NPAS3: variants seen among roughly 807,000 people sequenced by gnomAD.
NPAS3 encodes neuronal PAS domain protein 3.
NPAS3 carries 14 observed loss-of-function variants against 73.1 expected under a neutral mutation model. That is an observed-to-expected ratio of 0.19 (90% CI 0.13 to 0.30). The LOEUF is 0.30. Among genes scored for constraint, NPAS3 ranks in the 10% least tolerant of loss-of-function variants. The pLI is 1.00. For synonymous variants in NPAS3, 620 were observed against 541.5 expected, an observed-to-expected ratio of 1.14 and a Z score of -2.01; for missense variants, 1,096 against 1,250.0, an observed-to-expected ratio of 0.88 and a Z score of 1.86.
chr14:33,436,804 G>A (rs1435368921), intron 4 of NPAS3, among the ~76,000 whole-genome samples: 4 of 152,118 alleles, frequency 2.6e-5, no homozygotes, highest in Admixed American at 2.6e-4. Context: ...ATGCATACAT[G>A]GAAACTGTTC....
chr14:33,002,496 G>A (rs2038845899), intron 1 of NPAS3, among the ~76,000 whole-genome samples: 1 of 152,178 alleles, frequency 6.6e-6, no homozygotes, highest in Non-Finnish European at 1.5e-5. Flanking sequence ...ACAAATACAT[G>A]TTAGAGATGG....
chr14:33,601,005 G>A lies in NPAS3; in HGVS notation c.558+40795G>A, dbSNP rs187941650. On this transcript the variant is annotated intron_variant, in intron 5 of 11. Coordinates refer to ENST00000356141, the Ensembl canonical transcript of NPAS3. Reference sequence around the variant, plus strand: ...TTCAAAAGGTTCTAACAGTGGAGCAGTGGGAGAACAGAAACATACGTGCTT... The same window carrying A: ...TTCAAAAGGTTCTAACAGTGGAGCAATGGGAGAACAGAAACATACGTGCTT... Among the ~76,000 whole-genome samples, 84 of 152,268 alleles carry A rather than the reference G, an allele frequency of 5.5e-4. 2 individuals are homozygous for A. The East Asian group carries it at 0.016, about 28-fold the overall frequency.
intron 2 of NPAS3, among the ~76,000 whole-genome samples, chr14:33,110,195 T>C (rs2042846432): frequency 6.6e-6 from 1 of 152,190 alleles, no homozygotes; most frequent in Admixed American, 6.5e-5. Flanking sequence ...ACTTGAGATA[T>C]TAAATATTCT....
chr14:33,347,976 G>A (rs866727822), intron 3 of NPAS3, among the ~76,000 whole-genome samples: 14 of 152,218 alleles, frequency 9.2e-5, no homozygotes, highest in Middle Eastern at 6.8e-3. Flanking sequence ...GCACTGGAAA[G>A]TGAGTCAGTA....
At chr14:33,280,350 T>G (rs1422294902) in intron 3 of NPAS3, among the ~76,000 whole-genome samples, 4 of 152,162 alleles carry the variant, frequency 2.6e-5, no homozygotes, top group Non-Finnish European at 4.4e-5. Flanking sequence ...ATTATATATT[T>G]AAGATTTAAG....
At chr14:33,114,925 C>A (rs1265884803) in intron 2 of NPAS3, among the ~76,000 whole-genome samples, 1 of 152,040 alleles carries the variant, frequency 6.6e-6, no homozygotes, top group African/African-American at 2.4e-5. Context: ...TGAAGAGCAG[C>A]CTGAGGATAT....
At chr14:32,961,291 A>G (rs1382940937) in intron 1 of NPAS3, among the ~76,000 whole-genome samples, 1 of 151,844 alleles carries the variant, frequency 6.6e-6, no homozygotes, top group Admixed American at 6.6e-5. Context: ...GCGTGCCTGT[A>G]GTCCCAGCTG....
At chr14:33,313,149 T>A (rs143426393) in intron 3 of NPAS3, among the ~76,000 whole-genome samples, 1 of 152,034 alleles carries the variant, frequency 6.6e-6, no homozygotes, top group African/African-American at 2.4e-5. Context: ...TCGGAATGCA[T>A]GGAGATCAGA....
chr14:33,404,082 G>A (rs1045165883), intron 4 of NPAS3, among the ~76,000 whole-genome samples: 2 of 152,124 alleles, frequency 1.3e-5, no homozygotes, highest in African/African-American at 4.8e-5. Context: ...GAGACCAAGG[G>A]AAATAGTAAA....
At chr14:33,617,659 G>A (rs913777898) in intron 5 of NPAS3, among the ~76,000 whole-genome samples, 1 of 152,174 alleles carries the variant, frequency 6.6e-6, no homozygotes, top group Non-Finnish European at 1.5e-5. Context: ...GTGACCCTGA[G>A]ATTTGCTCTG....
At chr14:33,744,134 C>G (rs1255264160) in intron 7 of NPAS3, among the ~76,000 whole-genome samples, 1 of 152,188 alleles carries the variant, frequency 6.6e-6, no homozygotes, top group Non-Finnish European at 1.5e-5. Context: ...GGCTAACTGG[C>G]ACCAAGAGGC....
chr14:33,673,999 T>TA (rs1413044891), intron 5 of NPAS3, among the ~76,000 whole-genome samples: 1 of 151,988 alleles, frequency 6.6e-6, no homozygotes, highest in African/African-American at 2.4e-5. Flanking sequence ...AGCTTTGAGG[T>TA]ATGTTGGTGG....
chr14:33,156,048 GC>G (rs2044635167), intron 2 of NPAS3, among the ~76,000 whole-genome samples: 1 of 152,146 alleles, frequency 6.6e-6, no homozygotes. Context: ...CAAGGGGGAG[GC>G]CTAGGTGATG....
At chr14:33,401,083 A>C (rs967101214) in intron 4 of NPAS3, among the ~76,000 whole-genome samples, 1 of 152,158 alleles carries the variant, frequency 6.6e-6, no homozygotes, top group Admixed American at 6.6e-5. Flanking sequence ...CATACTGAGG[A>C]CGTTTTCAAG....
At chr14:33,341,531 G>A (rs2044480448) in intron 3 of NPAS3, among the ~76,000 whole-genome samples, 1 of 152,130 alleles carries the variant, frequency 6.6e-6, no homozygotes. Context: ...CAGAGAGGGA[G>A]AGGGAGAGGG....
At chr14:33,652,280 G>A (rs1227539071) in intron 5 of NPAS3, among the ~76,000 whole-genome samples, 3 of 152,106 alleles carry the variant, frequency 2.0e-5, no homozygotes, top group African/African-American at 7.2e-5. Context: ...GCTTGCTGTT[G>A]CATTCTCCTC....
intron 2 of NPAS3, among the ~76,000 whole-genome samples, chr14:33,181,196 G>A (rs1035130647): frequency 3.3e-5 from 5 of 152,160 alleles, no homozygotes; most frequent in Non-Finnish European, 5.9e-5. Context: ...TGACAAGGCC[G>A]TTAGTATGAA....
chr14:33,038,079 T>C (rs974127664), intron 1 of NPAS3, among the ~76,000 whole-genome samples: 10 of 152,314 alleles, frequency 6.6e-5, no homozygotes, highest in Non-Finnish European at 1.3e-4. Context: ...TGAACATTTT[T>C]CCCTATCTGA....
chr14:33,772,650 TG>T (rs2062691501), intron 7 of NPAS3, among the ~76,000 whole-genome samples: 1 of 152,224 alleles, frequency 6.6e-6, no homozygotes, highest in Admixed American at 6.5e-5. Flanking sequence ...TAAGCCTAGC[TG>T]GGAGGAGGAC....
Sources: gnomAD v4.1 joint callset for allele counts (sites outside exome capture counted in the v4.1 genomes callset) on GRCh38, gnomAD v4.1.1 for gene constraint, MANE v1.5 for transcripts, NCBI Gene and HGNC (gene_info 2026-07-23, HGNC 2026-07-21) for gene names.